The following TES variants were observed in gnomAD, a reference collection of about 807,000 sequenced individuals.
The protein encoded by TES is testin LIM domain protein, also known as testin.
A neutral mutation model predicts 48.2 loss-of-function variants in TES; 41 were observed. That is an observed-to-expected ratio of 0.85 (90% confidence interval 0.66 to 1.10). The LOEUF (loss-of-function observed/expected upper bound fraction) is 1.10, where lower values mean the gene tolerates loss of function less well. TES is among the 50% of genes least tolerant of loss of function. The pLI is 0.00. For missense variants in TES, 463 were observed against 515.1 expected, an observed-to-expected ratio of 0.90 and a Z score of 0.98; for synonymous variants, 162 against 174.9, an observed-to-expected ratio of 0.93 and a Z score of 0.58.
intron 2 of TES, among the ~76,000 whole-genome samples, chr7:116,237,370 A>C (rs1377711451): frequency 6.6e-6 from 1 of 152,222 alleles, no homozygotes; most frequent in African/African-American, 2.4e-5. Flanking sequence ...ACTTCAGATG[A>C]CTTAAGAACC....
At position 116,257,785 on chromosome 7, in the gene TES, G is replaced by A. The variant is rs1045416909; in HGVS notation, c.*303G>A. The A allele has an allele frequency of 4.7e-5, 9 of 190,612 alleles. No homozygotes were observed. Among genetic ancestry groups the A allele is most frequent in the Non-Finnish European group, 9.7e-5 (9 of 93,236 alleles). 11.8% of individuals were successfully genotyped at this position (190,612 alleles called of 1,614,324 possible). On this transcript the variant is annotated 3_prime_UTR_variant, in exon 7 of 7. Coordinates refer to ENST00000358204, the MANE Select transcript of TES (RefSeq NM_015641.4). Reference sequence around the variant, plus strand: ...AACTTCATGTCTCTATTCCATTTGTGCCACACACTTAAAAGTTAGTGTACT... The same window carrying A: ...AACTTCATGTCTCTATTCCATTTGTACCACACACTTAAAAGTTAGTGTACT...
chr7:116,216,961 A>AT (rs1799501363), intron 1 of TES, among the ~76,000 whole-genome samples: 1 of 152,134 alleles, frequency 6.6e-6, no homozygotes, highest in Non-Finnish European at 1.5e-5. Context: ...TTAAAAAAAA[A>AT]CTATATGAGT....
chr7:116,241,871 C>T (rs1177650725), intron 2 of TES, among the ~76,000 whole-genome samples: 2 of 152,088 alleles, frequency 1.3e-5, no homozygotes, highest in African/African-American at 2.4e-5. Context: ...AGAGCTGGTT[C>T]TTCTATAATT....
chr7:116,240,362 T>A (rs901204165), intron 2 of TES, among the ~76,000 whole-genome samples: 26 of 152,192 alleles, frequency 1.7e-4, no homozygotes, highest in African/African-American at 5.8e-4. Context: ...TTTCTTGATT[T>A]TTTTCAGCTT....
intron 1 of TES, among the ~76,000 whole-genome samples, chr7:116,215,964 C>T (rs568870256): frequency 5.3e-5 from 8 of 152,104 alleles, no homozygotes; most frequent in Non-Finnish European, 8.8e-5. Flanking sequence ...CATGCAAAAA[C>T]ATTTCTTATG....
intron 1 of TES, among the ~76,000 whole-genome samples, chr7:116,232,973 T>C (rs1477874803): frequency 6.6e-6 from 1 of 152,196 alleles, no homozygotes; most frequent in African/African-American, 2.4e-5. Context: ...GTCATTTTCT[T>C]TAGGACAAAA....
At chr7:116,235,323 C>A (rs913433946) in intron 2 of TES, among the ~76,000 whole-genome samples, 1 of 152,130 alleles carries the variant, frequency 6.6e-6, no homozygotes, top group African/African-American at 2.4e-5. Context: ...TTTCCGTAAA[C>A]AAATATGAAT....
intron 1 of TES, among the ~76,000 whole-genome samples, chr7:116,225,731 A>G (rs1267218228): frequency 6.6e-6 from 1 of 152,232 alleles, no homozygotes; most frequent in African/African-American, 2.4e-5. Context: ...TGGATGAGCC[A>G]TGTTGACAAC....
chr7:116,246,946 C>CTTTTTTTTTTTT (rs148032626), intron 2 of TES, among the ~76,000 whole-genome samples: 1 of 131,046 alleles, frequency 7.6e-6, no homozygotes, highest in Non-Finnish European at 1.6e-5. Context: ...AGACTAGGCC[C>CTTTTTTTTTTTT]CTTTTTTTTT....
chr7:116,223,595 A>G (rs1799583661), intron 1 of TES, among the ~76,000 whole-genome samples: 1 of 152,074 alleles, frequency 6.6e-6, no homozygotes, highest in African/African-American at 2.4e-5. Context: ...TGAGAAAGAA[A>G]ATGAGACTTA....
intron 2 of TES, among the ~76,000 whole-genome samples, chr7:116,240,969 C>T (rs975530627): frequency 9.9e-5 from 15 of 152,158 alleles, no homozygotes; most frequent in African/African-American, 3.6e-4. Flanking sequence ...TGTGCTCACC[C>T]ATACTCTGTT....
chr7:116,249,369 G>C, intron 3 of TES, 97 bp downstream of exon 3: 1 of 1,390,060 alleles, frequency 7.2e-7, no homozygotes, highest in Non-Finnish European at 1.0e-6. Flanking sequence ...ACACATCCCA[G>C]ATCTGTTATT....
At position 116,251,860 on chromosome 7, in the gene TES, GC is replaced by G. The variant is rs1162983806; in HGVS notation, c.804del (p.Cys268Ter). The G allele has an allele frequency of 6.2e-7, 1 of 1,614,122 alleles. No homozygotes were observed. Among genetic ancestry groups the G allele is most frequent in the Admixed American group, 1.7e-5 (1 of 60,022 alleles). ...DKLWHPACFV[C>X]STCHELLVDM... ...CTGTGGCACCCAGCTTGTTTTGTCT[GC>G]AGCACCTGCCATGAACTCCTGGTTG... On this transcript the variant is annotated frameshift_variant, in exon 5 of 7. Transcript: ENST00000358204. LOFTEE classifies it high-confidence loss of function.
intron 1 of TES, among the ~76,000 whole-genome samples, chr7:116,232,763 A>G (rs1799717806): frequency 6.6e-6 from 1 of 152,228 alleles, no homozygotes; most frequent in Non-Finnish European, 1.5e-5. Context: ...TAAATATACA[A>G]TTTAAAGACT....
chr7:116,225,649 A>C (rs1406965580), intron 1 of TES, among the ~76,000 whole-genome samples: 1 of 152,206 alleles, frequency 6.6e-6, no homozygotes, highest in East Asian at 1.9e-4. Flanking sequence ...TATACATCTA[A>C]GCTGAAAAGG....
rs1166201225 is a variant in TES at position 116,258,221 on chromosome 7, TGCCTCA to T, written c.*745_*750del. ...TTTTTTTTATTTTGAGCAATTCTCC[TGCCTCA>T]GCCTCCCAAATAGCTGGGATTACAG... On this transcript the variant is annotated 3_prime_UTR_variant, in exon 7 of 7. Transcript: ENST00000358204. The T allele has an allele frequency of 4.6e-5, 7 of 152,058 alleles. No homozygotes were observed. The East Asian group carries it at 9.6e-4, about 21-fold the overall frequency. The allele number at this position is 152,058 out of a possible 1,614,324, so 9.4% of individuals were successfully genotyped here.
chr7:116,237,741 T>C (rs543826420), intron 2 of TES, among the ~76,000 whole-genome samples: 1 of 152,264 alleles, frequency 6.6e-6, no homozygotes, highest in East Asian at 1.9e-4. Context: ...AAGTTCGAGA[T>C]CAGGTGCCAA....
At position 116,257,491 on chromosome 7, in the gene TES, C is replaced by T. The variant is rs1001408565; in HGVS notation, c.*9C>T. On this transcript the variant is annotated 3_prime_UTR_variant, in exon 7 of 7. Coordinates refer to ENST00000358204, the MANE Select transcript of TES (RefSeq NM_015641.4). ...AGAAGAGGATGTCTTAGGAGGAGGGCACCCAGAAGTATCGAGCCATAGCTA... is the reference window on the plus strand; with the variant it reads ...AGAAGAGGATGTCTTAGGAGGAGGGTACCCAGAAGTATCGAGCCATAGCTA... 6.3e-7 allele frequency: 1 copy of T among 1,593,502 alleles called. No individual in the cohort carries two copies.
chr7:116,215,507 T>C (rs1036114962), intron 1 of TES, among the ~76,000 whole-genome samples: 2 of 152,250 alleles, frequency 1.3e-5, no homozygotes, highest in East Asian at 3.9e-4. Context: ...GTAAAAGTAT[T>C]GTGAAAAGGA....
Sources: allele counts gnomAD v4.1 joint callset (sites outside exome capture counted in the v4.1 genomes callset), GRCh38; gene constraint gnomAD v4.1.1; transcripts MANE v1.5; gene names NCBI Gene and HGNC (gene_info 2026-07-23, HGNC 2026-07-21).